EML4: variants seen among roughly 807,000 people sequenced by gnomAD.
The protein encoded by EML4 is EMAP like 4.
EML4 carries 72 observed loss-of-function variants against 129.0 expected under a neutral mutation model. The ratio of observed to expected loss-of-function variants is 0.56; its 90% CI spans 0.46 to 0.68. EML4 has a LOEUF of 0.68. Among genes scored for constraint, EML4 ranks in the 30% least tolerant of loss-of-function variants. The pLI is 0.00. For missense variants in EML4, 1,363 were observed against 1,190.6 expected (o/e 1.14, Z -2.13); for synonymous variants, 532 against 405.0 (o/e 1.31, Z -3.77).
intron 10 of EML4, 93 bp from the exon 11 acceptor site, chr2:42,288,134 T>G (rs1225801092): frequency 5.4e-6 from 3 of 552,660 alleles, no homozygotes; most frequent in Admixed American, 3.1e-5. Context: ...TGGGTTATCT[T>G]ACTATTTGCA....
intron 1 of EML4, among the ~76,000 whole-genome samples, chr2:42,207,661 C>G (rs1300394801): frequency 2.6e-5 from 4 of 152,068 alleles, no homozygotes; most frequent in Non-Finnish European, 5.9e-5. Flanking sequence ...GGTCTTTATA[C>G]TTATGGTTTT....
chr2:42,237,743 T>C (rs575039519), intron 1 of EML4, among the ~76,000 whole-genome samples: 2 of 152,314 alleles, frequency 1.3e-5, no homozygotes, highest in African/African-American at 4.8e-5. Context: ...GAAAATGTTA[T>C]TAAGAAAGTC....
intron 1 of EML4, among the ~76,000 whole-genome samples, chr2:42,220,628 C>G (rs1296161269): frequency 6.6e-6 from 1 of 152,044 alleles, no homozygotes; most frequent in African/African-American, 2.4e-5. Context: ...CTTAAGTGTT[C>G]AAGTGAAAGG....
At chr2:42,325,579 A>G in intron 20 of EML4, 25 bp downstream of exon 20, 1 of 455,674 alleles carries the variant, frequency 2.2e-6, no homozygotes, top group Non-Finnish European at 3.8e-6. Flanking sequence ...TTTTATATAT[A>G]TATATATATG....
intron 1 of EML4, among the ~76,000 whole-genome samples, chr2:42,192,037 G>A (rs961564617): frequency 6.6e-6 from 1 of 151,578 alleles, no homozygotes; most frequent in African/African-American, 2.4e-5. Flanking sequence ...TACTCGGGAG[G>A]CTGAGGCAGG....
intron 1 of EML4, among the ~76,000 whole-genome samples, chr2:42,244,576 T>G (rs1334848659): frequency 6.6e-6 from 1 of 152,192 alleles, no homozygotes; most frequent in Non-Finnish European, 1.5e-5. Context: ...ATTTACTTCA[T>G]AAAAACCTTT....
intron 11 of EML4, among the ~76,000 whole-genome samples, chr2:42,291,391 A>C (rs966144757): frequency 3.4e-5 from 5 of 145,544 alleles, no homozygotes; most frequent in Non-Finnish European, 6.0e-5. Flanking sequence ...TCTCTTTATC[A>C]AGACACCTTT....
chr2:42,315,905 T>TG, intron 17 of EML4, 57 bp from the exon 18 acceptor site: 1 of 1,336,430 alleles, frequency 7.5e-7, no homozygotes, highest in Non-Finnish European at 1.1e-6. Flanking sequence ...AAGAACAACT[T>TG]TTTTTTTCTA....
chr2:42,213,285 A>T (rs1330348666), intron 1 of EML4, among the ~76,000 whole-genome samples: 2 of 151,852 alleles, frequency 1.3e-5, no homozygotes, highest in African/African-American at 4.8e-5. Flanking sequence ...AAGGATGACC[A>T]CTCTCTTGAC....
At chr2:42,310,329 C>T (rs936409022) in intron 17 of EML4, among the ~76,000 whole-genome samples, 13 of 151,522 alleles carry the variant, frequency 8.6e-5, no homozygotes, top group Middle Eastern at 3.4e-3. Flanking sequence ...CTTTCCCTTC[C>T]CCTTCTCCTT....
chr2:42,200,153 CAAAAA>C lies in EML4; in HGVS notation c.25+30535_25+30539del, dbSNP rs11421705. On this transcript the variant is annotated intron_variant, in intron 1 of 22. Coordinates refer to ENST00000318522, the MANE Select transcript of EML4 (RefSeq NM_019063.5). Reference sequence around the variant, plus strand: ...TGAAACCCCATCTCTACTAAAAATACAAAAAAAAAAAAAAAAAAAAAATTAGCTGG... The same window carrying C: ...TGAAACCCCATCTCTACTAAAAATACAAAAAAAAAAAAAAAAATTAGCTGG... 3.1e-3 allele frequency among the ~76,000 whole-genome samples: 264 copies of C among 84,456 alleles called. 1 individual carries two copies. The highest frequency in any genetic ancestry group is 9.9e-3 in the African/African-American group (242 of 24,332). 55.4% of individuals were successfully genotyped at this position (84,456 alleles called of 152,430 possible).
At chr2:42,258,411 A>T (rs531897569) in intron 3 of EML4, among the ~76,000 whole-genome samples, 108 of 125,074 alleles carry the variant, frequency 8.6e-4, no homozygotes, top group Middle Eastern at 3.6e-3. Context: ...ATATATATAT[A>T]TTTTTTGAGA....
intron 6 of EML4, among the ~76,000 whole-genome samples, chr2:42,271,635 G>A (rs573797542): frequency 2.0e-5 from 3 of 152,176 alleles, no homozygotes; most frequent in South Asian, 2.1e-4. Context: ...ATTAGAGAAC[G>A]TTCTAATCTT....
intron 1 of EML4, among the ~76,000 whole-genome samples, chr2:42,204,598 ATTTG>A (rs1379374335): frequency 1.3e-5 from 2 of 152,154 alleles, no homozygotes; most frequent in Non-Finnish European, 2.9e-5. Context: ...TGTTCCTTGA[ATTTG>A]TTTTTCAGCT....
chr2:42,233,063 T>A (rs1558524483), intron 1 of EML4, among the ~76,000 whole-genome samples: 1 of 152,144 alleles, frequency 6.6e-6, no homozygotes, highest in Non-Finnish European at 1.5e-5. Context: ...TCATTTTGCC[T>A]CATTCCAATG....
At chr2:42,183,387 C>A (rs1019452267) in intron 1 of EML4, among the ~76,000 whole-genome samples, 1 of 152,090 alleles carries the variant, frequency 6.6e-6, no homozygotes. Context: ...TGTACATTGT[C>A]GGTTTTAAGC....
At chr2:42,233,362 G>C (rs1210240115) in intron 1 of EML4, among the ~76,000 whole-genome samples, 7 of 150,378 alleles carry the variant, frequency 4.7e-5, no homozygotes, top group Non-Finnish European at 8.9e-5. Context: ...CTGGAGTGCA[G>C]TGGCGCGATC....
intron 19 of EML4, among the ~76,000 whole-genome samples, chr2:42,321,100 C>G (rs1669492963): frequency 6.6e-6 from 1 of 151,842 alleles, no homozygotes; most frequent in African/African-American, 2.4e-5. Context: ...TGTGTAGTAC[C>G]AGGCCGGGTG....
intron 1 of EML4, among the ~76,000 whole-genome samples, chr2:42,186,365 G>A (rs1671250100): frequency 6.6e-6 from 1 of 151,888 alleles, no homozygotes; most frequent in South Asian, 2.1e-4. Flanking sequence ...TTTACTGTAA[G>A]GTAAATATTT....
Sources: gnomAD v4.1 joint callset for allele counts (sites outside exome capture counted in the v4.1 genomes callset) on GRCh38, gnomAD v4.1.1 for gene constraint, MANE v1.5 for transcripts, NCBI Gene and HGNC (gene_info 2026-07-23, HGNC 2026-07-21) for gene names.